The following ANK2 variants were observed in gnomAD, a reference collection of about 807,000 sequenced individuals.
ANK2 encodes the protein ankyrin-2.
Under a neutral mutation model 360.5 loss-of-function variants are expected in ANK2, and 83 were observed. The ratio of observed to expected loss-of-function variants is 0.23; its 90% CI spans 0.19 to 0.28. The LOEUF (loss-of-function observed/expected upper bound fraction) is 0.28. ANK2 is among the 10% of genes least tolerant of loss of function. The pLI, the probability that ANK2 is intolerant of heterozygous loss-of-function variation, is 1.00. For synonymous variants in ANK2, 1,740 were observed against 1,759.5 expected, an observed-to-expected ratio of 0.99 and a Z score of 0.28; for missense variants, 4,201 against 4,795.7, an observed-to-expected ratio of 0.88 and a Z score of 3.66.
chr4:113,350,449 A>T (rs4834328), intron 37 of ANK2, 200 bp downstream of exon 37: 1 of 493,676 alleles, frequency 2.0e-6, no homozygotes, highest in African/African-American at 1.9e-5. Context: ...GCTAATTAGC[A>T]GTAAAATGCA....
In ANK2 at chr4:113,213,129, A is replaced by T. The variant is rs115310125; in HGVS notation, c.384+14020A>T. ...GTCTGGATGGTGAAAATAGAAGTCCAACTAACAAAATGTGTTTTAACCAAA... is the reference window on the plus strand; with the variant it reads ...GTCTGGATGGTGAAAATAGAAGTCCTACTAACAAAATGTGTTTTAACCAAA... On this transcript the variant is annotated intron_variant, in intron 4 of 45. Coordinates refer to ENST00000357077, the MANE Select transcript of ANK2 (RefSeq NM_001148.6). Among the ~76,000 whole-genome samples, 1,089 of 152,360 alleles carry T rather than the reference A, an allele frequency of 7.1e-3. 7 individuals carry two copies. Among genetic ancestry groups the T allele is most frequent in the African/African-American group, 0.011 (470 of 41,588 alleles).
intron 1 of ANK2, among the ~76,000 whole-genome samples, chr4:112,889,309 C>T (rs2079275585): frequency 6.6e-6 from 1 of 151,150 alleles, no homozygotes; most frequent in South Asian, 2.1e-4. Context: ...AGATATTGCC[C>T]TTTTTTCTCT....
At chr4:113,131,571 G>A (rs2096035967) in intron 1 of ANK2, among the ~76,000 whole-genome samples, 1 of 152,188 alleles carries the variant, frequency 6.6e-6, no homozygotes, top group South Asian at 2.1e-4. Flanking sequence ...TCATTGGAAT[G>A]CAAAATTAAA....
At chr4:112,819,284 G>C (rs1343630430) in intron 1 of ANK2, among the ~76,000 whole-genome samples, 2 of 152,174 alleles carry the variant, frequency 1.3e-5, no homozygotes, top group Non-Finnish European at 2.9e-5. Context: ...AGAGTTCTAG[G>C]TCAAGGTGTA....
intron 1 of ANK2, among the ~76,000 whole-genome samples, chr4:113,153,066 T>C (rs2097154077): frequency 6.6e-6 from 1 of 152,132 alleles, no homozygotes; most frequent in Non-Finnish European, 1.5e-5. Context: ...GTTGCTGACA[T>C]ACAGTTTATT....
At chr4:113,077,950 C>A (rs1490998283) in intron 1 of ANK2, among the ~76,000 whole-genome samples, 2 of 150,784 alleles carry the variant, frequency 1.3e-5, no homozygotes, top group African/African-American at 4.9e-5. Flanking sequence ...AAATAGGAAG[C>A]CAAAACACAT....
chr4:113,313,808 T>TGGGGGGGGGGGGGGGGGGGGGGGGGGGGG (rs2081378602), intron 24 of ANK2: 1 of 28,970 alleles, frequency 3.5e-5, no homozygotes, highest in African/African-American at 1.6e-4. Context: ...GGGGGAGCGG[T>TGGGGGGGGGGGGGGGGGGGGGGGGGGGGG]GGGGGAGTGG....
chr4:113,322,036 A>C (rs969932835), intron 26 of ANK2, among the ~76,000 whole-genome samples: 1 of 152,130 alleles, frequency 6.6e-6, no homozygotes, highest in Non-Finnish European at 1.5e-5. Flanking sequence ...CCAGCCAAAA[A>C]ACAGATATTT....
the ANK2 span, among the ~76,000 whole-genome samples, chr4:112,736,044 G>C: frequency 1.3e-5 from 2 of 151,958 alleles, no homozygotes; most frequent in African/African-American, 4.8e-5. Context: ...TTTCTTTTAG[G>C]TTTCAGAATA....
At position 113,261,065 on chromosome 4, in the gene ANK2, G is replaced by C. The variant is rs575023907; in HGVS notation, c.1386+2654G>C. ...GAGTCAGTTTTAACAACTGAGAAGA[G>C]TGGCATGAAATTTAGTACCTGCTTT... On this transcript the variant is annotated intron_variant, in intron 13 of 45. Coordinates refer to ENST00000357077, the MANE Select transcript of ANK2 (RefSeq NM_001148.6). 2.0e-5 allele frequency among the ~76,000 whole-genome samples: 3 copies of C among 152,304 alleles called. No homozygotes were observed. The East Asian group carries it at 5.8e-4, about 29-fold the overall frequency.
intron 2 of ANK2, among the ~76,000 whole-genome samples, chr4:112,991,650 C>G (rs2046883280): frequency 8.4e-6 from 1 of 119,510 alleles, no homozygotes; most frequent in South Asian, 2.6e-4. Flanking sequence ...TATGGATAGG[C>G]TGAGAATTTT....
At chr4:113,332,331 A>G (rs2092658243) in intron 28 of ANK2, among the ~76,000 whole-genome samples, 1 of 152,118 alleles carries the variant, frequency 6.6e-6, no homozygotes, top group South Asian at 2.1e-4. Flanking sequence ...TAGTTGTACT[A>G]TGTGCTAGTT....
At chr4:113,155,577 G>A (rs2097256387) in intron 1 of ANK2, among the ~76,000 whole-genome samples, 1 of 151,708 alleles carries the variant, frequency 6.6e-6, no homozygotes, top group African/African-American at 2.4e-5. Context: ...AAAATTAAAT[G>A]GAAGAAAAAA....
the ANK2 span, among the ~76,000 whole-genome samples, chr4:112,779,125 G>A: frequency 1.3e-5 from 2 of 152,096 alleles, no homozygotes; most frequent in African/African-American, 4.8e-5. Context: ...TGGGAGTGCC[G>A]AGCCACCTCT....
chr4:112,739,116 A>G, the ANK2 span: 17 of 465,736 alleles, frequency 3.7e-5, no homozygotes, highest in Admixed American at 4.9e-4. Flanking sequence ...GATAGCTCAT[A>G]TGCACGTTTT....
At chr4:112,717,788 A>T in the ANK2 span, among the ~76,000 whole-genome samples, 17 of 118,492 alleles carry the variant, frequency 1.4e-4, no homozygotes, top group African/African-American at 3.4e-4. Context: ...CTTTAAAAAA[A>T]AAATATTTAT....
chr4:113,063,236 A>T, intron 1 of ANK2, among the ~76,000 whole-genome samples: 1 of 152,108 alleles, frequency 6.6e-6, no homozygotes, highest in East Asian at 1.9e-4. Context: ...GTTTTAAATG[A>T]TAGCATTTGG....
chr4:113,375,140 C>T (rs1293964693), intron 45 of ANK2, among the ~76,000 whole-genome samples: 3 of 152,176 alleles, frequency 2.0e-5, no homozygotes, highest in African/African-American at 7.2e-5. Context: ...TCATTGGTGT[C>T]ACCTTAACAG....
intron 1 of ANK2, among the ~76,000 whole-genome samples, chr4:112,844,732 T>A (rs2149845317): frequency 6.6e-6 from 1 of 152,288 alleles, no homozygotes; most frequent in African/African-American, 2.4e-5. Flanking sequence ...GTCATAAAAT[T>A]TTATGCATCT....
Sources: gnomAD v4.1 joint callset for allele counts (sites outside exome capture counted in the v4.1 genomes callset) on GRCh38, gnomAD v4.1.1 for gene constraint, MANE v1.5 for transcripts, NCBI Gene and HGNC (gene_info 2026-07-23, HGNC 2026-07-21) for gene names.